AP1G1: variants seen among roughly 807,000 people sequenced by gnomAD.
AP1G1 encodes the protein AP-1 complex subunit gamma-1.
A neutral mutation model predicts 108.3 loss-of-function variants in AP1G1; 7 were observed. The observed-to-expected ratio is 0.06, with a 90% confidence interval of 0.04 to 0.12. AP1G1 has a LOEUF of 0.12. AP1G1 is among the 10% of genes least tolerant of loss of function. The pLI is 1.00. For missense variants in AP1G1, 756 were observed against 1,010.7 expected (o/e 0.75, Z 3.42); for synonymous variants, 379 against 353.5 (o/e 1.07, Z -0.81).
chr16:71,742,001 T>C (rs1181962692), intron 19 of AP1G1, among the ~76,000 whole-genome samples: 1 of 152,220 alleles, frequency 6.6e-6, no homozygotes, highest in African/African-American at 2.4e-5. Flanking sequence ...TAAATTTCTA[T>C]ATAATGGGGT....
In AP1G1 at chr16:71,739,022, C is replaced by G. The variant is rs997098328; in HGVS notation, c.2188G>C (p.Val730Leu). The change falls in exon 21 of 23, where the codon GTA becomes CTA. Residue 730 changes from valine to leucine, a missense_variant. Physicochemically the swap from Val to Leu is conservative, Grantham distance 32 (BLOSUM62 1). Transcript: ENST00000299980. ...GAGGCCTGTATCGTTATCACTGTTA[C>G]ACTGGGGTTGGTATTTGACCGTTCA... ...TFERSNTNPS[V>L]TVITIQASNS... The G allele has an allele frequency of 6.2e-7, 1 of 1,614,140 alleles. No individual in the cohort carries two copies. Among genetic ancestry groups the G allele is most frequent in the Non-Finnish European group, 8.5e-7 (1 of 1,180,000 alleles).
At chr16:71,768,500 C>CAAAAAAAAAAAAAAAAAAAA (rs527404594) in intron 6 of AP1G1, among the ~76,000 whole-genome samples, 1 of 83,734 alleles carries the variant, frequency 1.2e-5, no homozygotes, top group African/African-American at 4.9e-5. Flanking sequence ...GACTCCGCCA[C>CAAAAAAAAAAAAAAAAAAAA]AAAAAAAAAA....
rs946368074 is a variant in AP1G1 at position 71,738,854 on chromosome 16, T to C, written c.2268+88A>G. On this transcript the variant is annotated intron_variant, in intron 21 of 22. Transcript: ENST00000299980. The stretch of plus-strand genomic sequence containing the variant: ...AGTCTACAAATTTAATCTGTAAACA[T>C]TAAAACATATCCTTTACCAAACACA... The C allele has an allele frequency of 2.4e-6, 3 of 1,234,838 alleles. No homozygotes were observed. The African/African-American group carries it at 4.6e-5, about 19-fold the overall frequency. 76.5% of individuals were successfully genotyped at this position (1,234,838 alleles called of 1,614,324 possible).
chr16:71,767,054 G>C (rs541844733), intron 6 of AP1G1, among the ~76,000 whole-genome samples: 21 of 152,054 alleles, frequency 1.4e-4, no homozygotes, highest in Admixed American at 1.2e-3. Flanking sequence ...CTTCCCAATG[G>C]TCTGTTTTTT....
chr16:71,799,152 C>G (rs1442894130), intron 1 of AP1G1, among the ~76,000 whole-genome samples: 1 of 152,018 alleles, frequency 6.6e-6, no homozygotes, highest in Non-Finnish European at 1.5e-5. Context: ...AAAAATTAAA[C>G]TATGTATTTA....
At chr16:71,766,236 A>G (rs1178288805) in intron 6 of AP1G1, among the ~76,000 whole-genome samples, 2 of 152,150 alleles carry the variant, frequency 1.3e-5, no homozygotes, top group African/African-American at 4.8e-5. Flanking sequence ...CTTAACTCCT[A>G]TGATACAATT....
intron 2 of AP1G1, among the ~76,000 whole-genome samples, chr16:71,781,806 A>C (rs1228559109): frequency 1.3e-5 from 2 of 152,186 alleles, no homozygotes; most frequent in Admixed American, 1.3e-4. Flanking sequence ...TTATACATAC[A>C]TGTCTTTGTA....
Position 71,731,434 on chromosome 16 carries a change from G to C in AP1G1, c.*1624C>G, listed in dbSNP as rs1227219492. On this transcript the variant is annotated 3_prime_UTR_variant, in exon 23 of 23. Coordinates refer to ENST00000299980, the MANE Select transcript of AP1G1 (RefSeq NM_001128.6). ...TTGGTGAAATGAAGGGGAAAAAAAG[G>C]GATATTTGTTTCCAGGTTTAAGATT... 6.6e-6 allele frequency: 1 copy of C among 152,584 alleles called. No homozygotes were observed. Among genetic ancestry groups the C allele is most frequent in the Non-Finnish European group, 1.5e-5 (1 of 68,046 alleles). 9.5% of individuals were successfully genotyped at this position (152,584 alleles called of 1,614,324 possible).
chr16:71,756,930 C>CA (rs551372939), intron 11 of AP1G1, among the ~76,000 whole-genome samples: 15,813 of 66,956 alleles, frequency 0.24, 1,451 homozygotes, highest in African/African-American at 0.38. Flanking sequence ...GACTCTGTCT[C>CA]AAAAAAAAAA....
intron 1 of AP1G1, among the ~76,000 whole-genome samples, chr16:71,792,376 C>G (rs2032436947): frequency 6.6e-6 from 1 of 152,206 alleles, no homozygotes; most frequent in Middle Eastern, 3.4e-3. Flanking sequence ...AGGGCAATGA[C>G]AAATCTTCAG....
intron 22 of AP1G1, among the ~76,000 whole-genome samples, chr16:71,733,406 T>C (rs1341510953): frequency 6.6e-6 from 1 of 152,180 alleles, no homozygotes; most frequent in Non-Finnish European, 1.5e-5. Flanking sequence ...ATCCTTGAAC[T>C]GCATTAAAAG....
At chr16:71,758,325 C>G (rs1219808523) in intron 11 of AP1G1, 1 of 459,200 alleles carries the variant, frequency 2.2e-6, no homozygotes, top group African/African-American at 2.0e-5. Context: ...TACCTGCTGC[C>G]TAACAGTCAT....
intron 1 of AP1G1, among the ~76,000 whole-genome samples, chr16:71,805,061 G>T (rs574839991): frequency 1.3e-5 from 2 of 151,840 alleles, no homozygotes; most frequent in East Asian, 3.9e-4. Flanking sequence ...AAGCTGAGAG[G>T]AGTTGAAAAA....
chr16:71,751,750 A>C (rs1244652177), intron 13 of AP1G1, among the ~76,000 whole-genome samples: 2 of 152,224 alleles, frequency 1.3e-5, no homozygotes, highest in African/African-American at 2.4e-5. Flanking sequence ...TGAACCAAGA[A>C]AGACCATATT....
chr16:71,780,347 C>T (rs1045853798), intron 2 of AP1G1, among the ~76,000 whole-genome samples: 2 of 151,792 alleles, frequency 1.3e-5, no homozygotes, highest in Non-Finnish European at 2.9e-5. Flanking sequence ...TTTAAATCAG[C>T]CAGGCGTGGT....
At chr16:71,777,558 T>C in intron 2 of AP1G1, 1 of 356,732 alleles carries the variant, frequency 2.8e-6, no homozygotes. Flanking sequence ...CACCCCAACC[T>C]CCAGGCCGAG....
intron 2 of AP1G1, among the ~76,000 whole-genome samples, chr16:71,775,463 A>C (rs943171524): frequency 1.3e-5 from 2 of 152,192 alleles, no homozygotes; most frequent in Non-Finnish European, 2.9e-5. Context: ...TCAGTTTTGC[A>C]TTAGTTTTGC....
Position 71,771,140 on chromosome 16 carries a change from A to G in AP1G1, c.565+16T>C. The G allele has an allele frequency of 6.7e-7, 1 of 1,492,768 alleles. No individual in the cohort carries two copies. Among genetic ancestry groups the G allele is most frequent in the East Asian group, 2.3e-5 (1 of 44,266 alleles). The allele number at this position is 1,492,768 out of a possible 1,614,324, so 92.5% of individuals were successfully genotyped here. On this transcript the variant is annotated intron_variant, in intron 5 of 22. Transcript: ENST00000299980. ...TTCTCCCTCAATACTTCATGAATACATCCAAATTACATTACCATGGTTCTT... is the reference window on the plus strand; with the variant it reads ...TTCTCCCTCAATACTTCATGAATACGTCCAAATTACATTACCATGGTTCTT...
intron 1 of AP1G1, among the ~76,000 whole-genome samples, chr16:71,791,305 CAT>C (rs1189124357): frequency 6.6e-6 from 1 of 151,128 alleles, no homozygotes; most frequent in Non-Finnish European, 1.5e-5. Flanking sequence ...TCAATTTTAC[CAT>C]ATGTTAACTT....
Sources: gnomAD v4.1 joint callset for allele counts (sites outside exome capture counted in the v4.1 genomes callset) on GRCh38, gnomAD v4.1.1 for gene constraint, MANE v1.5 for transcripts, NCBI Gene and HGNC (gene_info 2026-07-23, HGNC 2026-07-21) for gene names.